CEP290: variants seen among roughly 807,000 people sequenced by gnomAD.
CEP290 encodes centrosomal protein 290.
Under a neutral mutation model 344.9 loss-of-function variants are expected in CEP290, and 317 were observed. The ratio of observed to expected loss-of-function variants is 0.92; its 90% confidence interval spans 0.84 to 1.01. The LOEUF (loss-of-function observed/expected upper bound fraction) is 1.01, where lower values mean the gene tolerates loss of function less well. CEP290 is among the 50% of genes least tolerant of loss of function. The probability of loss-of-function intolerance (pLI) is 0.00; values close to 1 mark genes in which losing one functional copy is unlikely to be tolerated. For synonymous variants in CEP290, 932 were observed against 895.8 expected, an observed-to-expected ratio of 1.04 and a Z score of -0.72; for missense variants, 2,754 against 2,761.4, an observed-to-expected ratio of 1.00 and a Z score of 0.06.
At chr12:88,114,287 A>T in intron 20 of CEP290, 133 bp downstream of exon 20, 1 of 663,820 alleles carries the variant, frequency 1.5e-6, no homozygotes, top group Non-Finnish European at 2.3e-6. Context: ...AAGAAAAACT[A>T]CACTTTACAT....
intron 22 of CEP290, among the ~76,000 whole-genome samples, chr12:88,109,828 A>G (rs968512733): frequency 6.6e-6 from 1 of 152,200 alleles, no homozygotes; most frequent in Non-Finnish European, 1.5e-5. Context: ...TATTTCTTAT[A>G]CAAAGATTAA....
Position 88,062,844 on chromosome 12 carries a change from A to T in CEP290, c.6271-66T>A. 3.0e-6 allele frequency: 3 copies of T among 989,738 alleles called. No homozygotes were observed. In the South Asian group the frequency reaches 4.3e-5, roughly 14 times the overall value. 61.3% of individuals were successfully genotyped at this position (989,738 alleles called of 1,614,324 possible). The stretch of plus-strand genomic sequence containing the variant: ...TACAGCCATTGAAAAGAAAAGGCAA[A>T]CAATTCATAAGAACCATCAATCTCT... On this transcript the variant is annotated intron_variant, in intron 45 of 53. Coordinates refer to ENST00000552810, the MANE Select transcript of CEP290 (RefSeq NM_025114.4).
At chr12:88,137,511 T>C (rs977559744) in intron 5 of CEP290, among the ~76,000 whole-genome samples, 1 of 152,240 alleles carries the variant, frequency 6.6e-6, no homozygotes, top group Non-Finnish European at 1.5e-5. Flanking sequence ...CTAATGTGTC[T>C]CACATTCATT....
At chr12:88,056,331 A>G (rs2034000815) in intron 49 of CEP290, among the ~76,000 whole-genome samples, 1 of 152,160 alleles carries the variant, frequency 6.6e-6, no homozygotes, top group African/African-American at 2.4e-5. Flanking sequence ...CATCATACCT[A>G]AAGAAAAATA....
intron 5 of CEP290, among the ~76,000 whole-genome samples, chr12:88,137,962 A>G (rs2040435708): frequency 6.6e-6 from 1 of 152,220 alleles, no homozygotes; most frequent in Admixed American, 6.5e-5. Flanking sequence ...CGCAAAATGC[A>G]CTGGGAATTT....
At chr12:88,073,314 C>T (rs1441978400) in intron 41 of CEP290, among the ~76,000 whole-genome samples, 2 of 152,128 alleles carry the variant, frequency 1.3e-5, no homozygotes, top group African/African-American at 4.8e-5. Context: ...CATCATGACC[C>T]ATCAGTTGCC....
In CEP290 at chr12:88,126,424, A is replaced by G; in HGVS notation, c.957T>C (p.Ser319=). 1 of 1,502,784 alleles carries G rather than the reference A, an allele frequency of 6.7e-7. No homozygotes were observed. 93.1% of individuals were successfully genotyped at this position (1,502,784 alleles called of 1,614,324 possible). A position where few individuals can be genotyped will look rare whatever the true frequency, so the allele number is the denominator to read the frequency against. The change falls in exon 12 of 54, where the codon TCT becomes TCC. Residue 319 remains serine (S), a synonymous_variant. Coordinates refer to ENST00000552810, the MANE Select transcript of CEP290 (RefSeq NM_025114.4). ...KVEEWKLILS[S]KDDEIIEYQQ... is the part of the protein sequence containing the mutation. ...GATACTCAATAATTTCATCATCTTT[A>G]GAAGACAAAATTAGCTAGAAATAAA...
chr12:88,055,769 G>A (rs2033952458), intron 49 of CEP290, 52 bp from the exon 50 acceptor site: 6 of 1,239,064 alleles, frequency 4.8e-6, no homozygotes, highest in Non-Finnish European at 6.6e-6. Context: ...TTATGTCACT[G>A]ATTTAAAAGT....
rs1268722686 is a variant in CEP290, at chr12:88,089,398, C to T, written c.3663G>A (p.Leu1221=). 2 of 1,612,754 alleles carry T rather than the reference C, an allele frequency of 1.2e-6. No individual in the cohort carries two copies. Among genetic ancestry groups the T allele is most frequent in the Non-Finnish European group, 1.7e-6 (2 of 1,179,384 alleles). The change falls in exon 31 of 54, where the codon TTG becomes TTA. Residue 1221 remains leucine, a synonymous_variant. Transcript: ENST00000552810. The stretch of plus-strand genomic sequence containing the variant: ...TCTGCAGTTTAGATGTAATTGACTC[C>T]AACTTACCAAGAGCAGTAGCCTCAC... The part of the protein sequence containing the change: ...QLSEATALGK[L]ESITSKLQKM...
In CEP290 at chr12:88,084,819, C is replaced by T. The variant is rs771133112; in HGVS notation, c.4471G>A (p.Ala1491Thr). The change falls in exon 35 of 54, where the codon GCA becomes ACA. Residue 1491 changes from alanine to threonine, a missense_variant. Coordinates refer to ENST00000552810, the MANE Select transcript of CEP290 (RefSeq NM_025114.4). ...TCTCTTGACAGTATATTTTGTTCTG[C>T]TAACCTTAAAGCAGATTCTTTCTCT... ...LKEKESALRLAEQNILSRDKV... is the reference protein window; with the variant it reads ...LKEKESALRLTEQNILSRDKV... 1.2e-6 allele frequency: 2 copies of T among 1,600,402 alleles called. No individual in the cohort carries two copies. The highest frequency in any genetic ancestry group is 3.5e-5 in the Admixed American group (2 of 57,576).
At position 88,062,757 on chromosome 12, in the gene CEP290, C is replaced by T; in HGVS notation, c.6292G>A (p.Glu2098Lys). ...TCTTTCTTAAGAAATTCACACATTTCCTTCAAATCTCTGACTTGATTCTGA... is the reference window on the plus strand; with the variant it reads ...TCTTTCTTAAGAAATTCACACATTTTCTTCAAATCTCTGACTTGATTCTGA... The part of the protein sequence containing the change: ...RLKNQVRDLK[E>K]MCEFLKKEKA... The change falls in exon 46 of 54, where the codon GAA (glutamate) becomes AAA (lysine). Residue 2098 changes from glutamate (E) to lysine (K), a missense_variant. Transcript: ENST00000552810. 1 of 1,587,102 alleles carries T rather than the reference C, an allele frequency of 6.3e-7. No individual in the cohort carries two copies. The highest frequency in any genetic ancestry group is 8.6e-7 in the Non-Finnish European group (1 of 1,164,836).
intron 15 of CEP290, 90 bp downstream of exon 15, chr12:88,120,024 C>A: frequency 1.3e-6 from 1 of 766,530 alleles, no homozygotes; most frequent in Non-Finnish European, 1.9e-6. Flanking sequence ...CATTAAACTA[C>A]TTAATAAATA....
At chr12:88,051,697 A>G (rs1000392066) in intron 52 of CEP290, 2 of 152,172 alleles carry the variant, frequency 1.3e-5, no homozygotes, top group African/African-American at 4.8e-5. Flanking sequence ...AGAACTATCT[A>G]TGGCCATATG....
rs1468269366 is a variant in CEP290, at chr12:88,071,332, CT to C, written c.5972del (p.Lys1991ArgfsTer6). ...ESEKELEELK[K>X]RNLDLENDIL... The stretch of plus-strand genomic sequence containing the variant: ...TATCATTTTCTAAGTCAAGATTTCT[CT>C]TTTTTAATTCTTCCAATTCTTTTTC... On this transcript the variant is annotated frameshift_variant, in exon 43 of 54. Coordinates refer to ENST00000552810, the MANE Select transcript of CEP290 (RefSeq NM_025114.4). LOFTEE classifies it high-confidence loss of function. 6.2e-7 allele frequency: 1 copy of C among 1,607,790 alleles called. No individual in the cohort carries two copies. Among genetic ancestry groups the C allele is most frequent in the East Asian group, 2.2e-5 (1 of 44,726 alleles).
At chr12:88,100,533 C>T (rs938747833) in intron 26 of CEP290, among the ~76,000 whole-genome samples, 3 of 152,164 alleles carry the variant, frequency 2.0e-5, no homozygotes, top group Admixed American at 2.0e-4. Flanking sequence ...TGGCTCTCCA[C>T]CACTAATCAC....
chr12:88,084,275 C>T (rs1013345234), intron 35 of CEP290, among the ~76,000 whole-genome samples: 18 of 151,880 alleles, frequency 1.2e-4, no homozygotes, highest in African/African-American at 3.6e-4. Context: ...TACTGATTAC[C>T]GGTGTGATAT....
Position 88,054,068 on chromosome 12 carries a change from G to T in CEP290, c.7034+272C>A, listed in dbSNP as rs7980746. Among the ~76,000 whole-genome samples, 7,849 of 152,130 alleles carry T rather than the reference G, an allele frequency of 0.052. 690 individuals carry two copies. Among genetic ancestry groups the T allele is most frequent in the African/African-American group, 0.18 (7,430 of 41,490 alleles). On this transcript the variant is annotated intron_variant, in intron 51 of 53. Coordinates refer to ENST00000552810, the MANE Select transcript of CEP290 (RefSeq NM_025114.4). ...TCTCTTTCATTAGTATTTTCCTCTG[G>T]GAAGCTAAGGTTTAACTCATTCTAT... is the stretch of plus-strand genomic sequence containing the variant.
intron 27 of CEP290, among the ~76,000 whole-genome samples, chr12:88,096,646 C>T (rs1244448497): frequency 1.3e-5 from 2 of 151,972 alleles, no homozygotes; most frequent in African/African-American, 4.8e-5. Flanking sequence ...AATACTTAGT[C>T]ATAAATTTTT....
In CEP290 at chr12:88,077,804, G is replaced by C; in HGVS notation, c.5479C>G (p.Gln1827Glu). 1 of 1,547,414 alleles carries C rather than the reference G, an allele frequency of 6.5e-7. No individual in the cohort carries two copies. The highest frequency in any genetic ancestry group is 8.8e-7 in the Non-Finnish European group (1 of 1,133,360). ...TTATTATAGGCTTTTTGTTTCTTTT[G>C]CAGTTCATTATTTAAGTCATTCAAA... is the stretch of plus-strand genomic sequence containing the variant. Reference protein sequence around the residue: ...DNLNDLNNELQKKQKAYNKIL... With the variant: ...DNLNDLNNELEKKQKAYNKIL... Residue 1827 changes from glutamine to glutamate, a missense_variant, in exon 40 of 54, where the codon CAA becomes GAA. Physicochemically the swap from Gln to Glu is conservative, Grantham distance 29. Transcript: ENST00000552810.
Sources: allele counts gnomAD v4.1 joint callset (sites outside exome capture counted in the v4.1 genomes callset), GRCh38; gene constraint gnomAD v4.1.1; transcripts MANE v1.5; gene names NCBI Gene and HGNC (gene_info 2026-07-23, HGNC 2026-07-21).